Variants in TMEM184B observed in about 807,000 individuals in gnomAD.
The protein encoded by TMEM184B is putative MAPK-activating protein FM08.
A neutral mutation model predicts 41.8 loss-of-function variants in TMEM184B; 17 were observed. The observed-to-expected ratio is 0.41, with a 90% CI of 0.28 to 0.61. TMEM184B has a LOEUF of 0.61. TMEM184B is among the 20% of genes least tolerant of loss of function. TMEM184B has a pLI of 0.34. For synonymous variants in TMEM184B, 240 were observed against 229.5 expected (o/e 1.05, Z -0.41); for missense variants, 393 against 557.8 (o/e 0.70, Z 2.98).
chr22:38,221,191 C>T lies in TMEM184B; in HGVS notation c.*278G>A. 1 of 1,297,162 alleles carries T rather than the reference C, an allele frequency of 7.7e-7. No individual in the cohort carries two copies. Among genetic ancestry groups the T allele is most frequent in the Non-Finnish European group, 9.8e-7 (1 of 1,021,640 alleles). The allele number at this position is 1,297,162 out of a possible 1,614,324, so 80.4% of individuals were successfully genotyped here. ...GCGGCTGGTCCCAGCATGCCCCCAG[C>T]ACAGGACGGGCAGCAGGGGCATAAG... On this transcript the variant is annotated 3_prime_UTR_variant, in exon 9 of 9. Transcript: ENST00000361906.
At position 38,220,395 on chromosome 22, in the gene TMEM184B, T is replaced by TGGGCCAG. The variant is rs2091225053; in HGVS notation, c.*1067_*1073dup. On this transcript the variant is annotated 3_prime_UTR_variant, in exon 9 of 9. Transcript: ENST00000361906. Reference sequence around the variant, plus strand: ...ATATGTGACTAAGGCACAGAAGAGATGGGCCAGGGGCCAGATGGGGTAGAA... The same window carrying TGGGCCAG: ...ATATGTGACTAAGGCACAGAAGAGATGGGCCAGGGGCCAGGGGCCAGATGGGGTAGAA... 1.0e-6 allele frequency: 1 copy of TGGGCCAG among 985,794 alleles called. No individual in the cohort carries two copies. Among genetic ancestry groups the TGGGCCAG allele is most frequent in the African/African-American group, 1.7e-5 (1 of 57,178 alleles). The allele number at this position is 985,794 out of a possible 1,614,324, so 61.1% of individuals were successfully genotyped here.
At chr22:38,268,968 C>G (rs971155967) in intron 1 of TMEM184B, among the ~76,000 whole-genome samples, 3 of 152,270 alleles carry the variant, frequency 2.0e-5, no homozygotes, top group African/African-American at 7.2e-5. Context: ...CCGTGCTGAG[C>G]TCCATCAGAC....
chr22:38,263,275 C>A (rs761469266), intron 1 of TMEM184B, among the ~76,000 whole-genome samples: 3 of 152,184 alleles, frequency 2.0e-5, no homozygotes, highest in Non-Finnish European at 4.4e-5. Context: ...CTCCAGCAAA[C>A]AAGCAATCTC....
chr22:38,225,057 G>C lies in TMEM184B; in HGVS notation c.788-78C>G. On this transcript the variant is annotated intron_variant, in intron 7 of 8. Coordinates refer to ENST00000361906, the MANE Select transcript of TMEM184B (RefSeq NM_012264.5). This position sits in a 1 kb window ranked among gnomAD's most constrained non-coding sequence, Gnocchi z 4.4. Reference sequence around the variant, plus strand: ...CCCTTCTTCCACAATGCCCCATTCAGCTGCCCACATGCCCCAGTGAGGATG... The same window carrying C: ...CCCTTCTTCCACAATGCCCCATTCACCTGCCCACATGCCCCAGTGAGGATG... 1 of 1,428,426 alleles carries C rather than the reference G, an allele frequency of 7.0e-7. No homozygotes were observed. Among genetic ancestry groups the C allele is most frequent in the Non-Finnish European group, 9.3e-7 (1 of 1,074,682 alleles). The allele number at this position is 1,428,426 out of a possible 1,614,324, so 88.5% of individuals were successfully genotyped here. A position where few individuals can be genotyped will look rare whatever the true frequency, so the allele number is the denominator to read the frequency against.
chr22:38,235,636 A>G (rs2145625202), intron 3 of TMEM184B, among the ~76,000 whole-genome samples: 1 of 152,358 alleles, frequency 6.6e-6, no homozygotes, highest in Non-Finnish European at 1.5e-5. Flanking sequence ...TAATTCTTGG[A>G]GAAGATGAGA....
intron 1 of TMEM184B, among the ~76,000 whole-genome samples, chr22:38,258,786 A>C (rs1464139725): frequency 6.6e-6 from 1 of 152,200 alleles, no homozygotes; most frequent in Non-Finnish European, 1.5e-5. Context: ...TTTTTGCAGC[A>C]GAAATTAGTC....
At chr22:38,252,226 A>T (rs1169757063) in intron 1 of TMEM184B, among the ~76,000 whole-genome samples, 3 of 151,828 alleles carry the variant, frequency 2.0e-5, no homozygotes. Flanking sequence ...TGCCCAGCTA[A>T]TTTTTGTATT....
chr22:38,269,760 G>A (rs971253214), intron 1 of TMEM184B, among the ~76,000 whole-genome samples: 1 of 152,104 alleles, frequency 6.6e-6, no homozygotes, highest in Non-Finnish European at 1.5e-5. Context: ...TCAGCAGTGG[G>A]GCAGACACCG....
chr22:38,228,181 GCC>G (rs2145581970), intron 5 of TMEM184B, among the ~76,000 whole-genome samples: 1 of 152,314 alleles, frequency 6.6e-6, no homozygotes, highest in Admixed American at 6.5e-5. Context: ...CTCTCAGAAA[GCC>G]CCACAGAACG....
At chr22:38,242,692 G>C (rs2091938699) in intron 3 of TMEM184B, among the ~76,000 whole-genome samples, 1 of 152,222 alleles carries the variant, frequency 6.6e-6, no homozygotes, top group Non-Finnish European at 1.5e-5. Context: ...AGAGGCAGCT[G>C]CAAGAGAGGG....
intron 3 of TMEM184B, among the ~76,000 whole-genome samples, chr22:38,243,406 C>G (rs563761161): frequency 6.6e-6 from 1 of 152,282 alleles, no homozygotes; most frequent in East Asian, 1.9e-4. Flanking sequence ...CCACACTTGT[C>G]CCCCGACCAC....
chr22:38,231,693 C>T (rs893224905), intron 3 of TMEM184B: 7 of 427,944 alleles, frequency 1.6e-5, no homozygotes, highest in East Asian at 1.0e-4. Flanking sequence ...GACCCTGGGG[C>T]GAAACAGTAT....
chr22:38,256,689 T>C (rs1013314485), intron 1 of TMEM184B, among the ~76,000 whole-genome samples: 3 of 152,142 alleles, frequency 2.0e-5, no homozygotes, highest in Admixed American at 6.5e-5. Context: ...CTGGAACAAA[T>C]AGTGTAATGA....
intron 3 of TMEM184B, chr22:38,231,723 G>A (rs1034950562): frequency 2.1e-5 from 8 of 375,312 alleles, no homozygotes; most frequent in South Asian, 1.1e-4. Context: ...TAGTTTTTCC[G>A]GGCGCAGTGG....
chr22:38,220,341 C>T lies in TMEM184B; in HGVS notation c.*1128G>A, dbSNP rs1295926225. The T allele has an allele frequency of 7.1e-6, 7 of 986,126 alleles. No homozygotes were observed. In the East Asian group the frequency reaches 6.8e-4, roughly 96 times the overall value. 61.1% of individuals were successfully genotyped at this position (986,126 alleles called of 1,614,324 possible). On this transcript the variant is annotated 3_prime_UTR_variant, in exon 9 of 9. Transcript: ENST00000361906. ...TAAGAGCCCCAGGGAGCGTGTGGGA[C>T]AGATGGGGAGCCAGGGAGGGGCGCT...
intron 3 of TMEM184B, among the ~76,000 whole-genome samples, chr22:38,237,721 A>G (rs2091811171): frequency 6.6e-6 from 1 of 152,016 alleles, no homozygotes; most frequent in South Asian, 2.1e-4. Flanking sequence ...TGTTGCAACC[A>G]AGGGGGCAGG....
At chr22:38,240,732 C>CAAAAAAAAAAAAAA (rs550793359) in intron 3 of TMEM184B, among the ~76,000 whole-genome samples, 1 of 66,560 alleles carries the variant, frequency 1.5e-5, no homozygotes, top group African/African-American at 6.1e-5. Flanking sequence ...GAAAAAAAGG[C>CAAAAAAAAAAAAAA]AAAAAAAAAA....
Position 38,220,786 on chromosome 22 carries a change from C to T in TMEM184B, c.*683G>A, listed in dbSNP as rs746781007. ...CATGAGGCAGGCAGAGGTGTGGCCA[C>T]GACAGGTGGGGATACCCAGGGGCCC... On this transcript the variant is annotated 3_prime_UTR_variant, in exon 9 of 9. Coordinates refer to ENST00000361906, the MANE Select transcript of TMEM184B (RefSeq NM_012264.5). The T allele has an allele frequency of 1.1e-4, 107 of 986,004 alleles. No homozygotes were observed. The highest frequency in any genetic ancestry group is 6.1e-4 in the African/African-American group (35 of 57,250). The allele number at this position is 986,004 out of a possible 1,614,324, so 61.1% of individuals were successfully genotyped here. A position where few individuals can be genotyped will look rare whatever the true frequency, so the allele number is the denominator to read the frequency against.
chr22:38,258,187 G>A (rs1007414198), intron 1 of TMEM184B, among the ~76,000 whole-genome samples: 2 of 152,200 alleles, frequency 1.3e-5, no homozygotes, highest in African/African-American at 4.8e-5. Context: ...CTGGGCCTGA[G>A]GCAGGTGACT....
Sources: gnomAD v4.1 joint callset for allele counts (sites outside exome capture counted in the v4.1 genomes callset) on GRCh38, gnomAD v4.1.1 for gene constraint, Gnocchi (gnomAD v3.1) non-coding constraint, MANE v1.5 for transcripts, NCBI Gene and HGNC (gene_info 2026-07-23, HGNC 2026-07-21) for gene names.